HTR1E: variants seen among roughly 807,000 people sequenced by gnomAD.
The protein encoded by HTR1E is 5-HT-1E.
HTR1E carries 3 observed loss-of-function variants against 3.4 expected under a neutral mutation model. That is an observed-to-expected ratio of 0.89 (90% CI 0.41 to 2.31). The LOEUF is 2.31. Among genes scored for constraint, HTR1E ranks in the 30% most tolerant of loss-of-function variants. The pLI is 0.05. For synonymous variants in HTR1E, 170 were observed against 182.8 expected, an observed-to-expected ratio of 0.93 and a Z score of 0.56; for missense variants, 392 against 467.0, an observed-to-expected ratio of 0.84 and a Z score of 1.48.
chr6:86,995,665 C>CAAAAAAAAAAAAAAAAAAAAAAAAA (rs60134206), intron 1 of HTR1E, among the ~76,000 whole-genome samples: 18 of 36,678 alleles, frequency 4.9e-4, no homozygotes, highest in African/African-American at 1.3e-3. Flanking sequence ...GACTCCATCT[C>CAAAAAAAAAAAAAAAAAAAAAAAAA]AAAAAAAAAA....
intron 1 of HTR1E, among the ~76,000 whole-genome samples, chr6:86,964,784 G>A (rs1220665779): frequency 1.3e-5 from 2 of 152,044 alleles, no homozygotes; most frequent in Non-Finnish European, 2.9e-5. Context: ...AATTCTTAAG[G>A]TTCCTTATAT....
chr6:86,946,282 A>G (rs1224163645), intron 1 of HTR1E, among the ~76,000 whole-genome samples: 1 of 152,134 alleles, frequency 6.6e-6, no homozygotes, highest in Non-Finnish European at 1.5e-5. Flanking sequence ...CAAGTATCCC[A>G]TTTTTTATCT....
At chr6:86,970,156 T>C (rs766364679) in intron 1 of HTR1E, among the ~76,000 whole-genome samples, 10 of 152,226 alleles carry the variant, frequency 6.6e-5, no homozygotes, top group Non-Finnish European at 1.3e-4. Context: ...AGAAACTGTG[T>C]CTTAATGCTA....
chr6:86,946,277 A>G (rs1768615823), intron 1 of HTR1E, among the ~76,000 whole-genome samples: 1 of 152,164 alleles, frequency 6.6e-6, no homozygotes, highest in Non-Finnish European at 1.5e-5. Flanking sequence ...CTACACAAGT[A>G]TCCCATTTTT....
At chr6:87,009,709 TC>T (rs1768173328) in intron 1 of HTR1E, among the ~76,000 whole-genome samples, 1 of 132,132 alleles carries the variant, frequency 7.6e-6, no homozygotes. Flanking sequence ...CCAACCTCCC[TC>T]CCGGACAGGG....
chr6:87,009,091 C>T (rs1459169676), intron 1 of HTR1E, among the ~76,000 whole-genome samples: 3 of 144,464 alleles, frequency 2.1e-5, no homozygotes, highest in African/African-American at 7.8e-5. Flanking sequence ...ATTGATAATT[C>T]TTGGGTGTTT....
chr6:86,953,556 G>A (rs1450737406), intron 1 of HTR1E, among the ~76,000 whole-genome samples: 1 of 152,128 alleles, frequency 6.6e-6, no homozygotes, highest in Non-Finnish European at 1.5e-5. Flanking sequence ...GCTACACTAG[G>A]CATCTTCACA....
In HTR1E at chr6:87,015,608, T is replaced by C; in HGVS notation, c.274T>C (p.Tyr92His). 6.2e-7 allele frequency: 1 copy of C among 1,614,134 alleles called. No individual in the cohort carries two copies. The highest frequency in any genetic ancestry group is 1.1e-5 in the South Asian group (1 of 91,072). The change falls in exon 2 of 2, where the codon TAC becomes CAC. Residue 92 changes from tyrosine (Y) to histidine (H), a missense_variant. By Grantham distance (83) the Tyr-to-His change is moderately conservative. Around this residue, in one of 3 missense-constraint regions of HTR1E, gnomAD observed 189 missense variants for 258.0 expected, o/e 0.73. Coordinates refer to ENST00000305344, the MANE Select transcript of HTR1E (RefSeq NM_000865.3). ...YIVMDRWKLG[Y>H]FLCEVWLSVD... is the part of the protein sequence containing the mutation. ...TGTCATGGATCGCTGGAAGCTTGGG[T>C]ACTTCCTCTGTGAGGTGTGGCTGAG...
At chr6:87,003,299 A>C (rs1317518569) in intron 1 of HTR1E, among the ~76,000 whole-genome samples, 2 of 152,204 alleles carry the variant, frequency 1.3e-5, no homozygotes, top group Non-Finnish European at 2.9e-5. Context: ...GCACTTTGGG[A>C]GGCCAAGGCT....
At chr6:86,957,976 A>C (rs1449948503) in intron 1 of HTR1E, among the ~76,000 whole-genome samples, 1 of 151,920 alleles carries the variant, frequency 6.6e-6, no homozygotes, top group Non-Finnish European at 1.5e-5. Flanking sequence ...AACTCAGGCT[A>C]TATCCCCACA....
intron 1 of HTR1E, among the ~76,000 whole-genome samples, chr6:86,959,041 A>G (rs1582260857): frequency 6.6e-6 from 1 of 151,890 alleles, no homozygotes; most frequent in East Asian, 1.9e-4. Context: ...GAGCCTGGCA[A>G]GTTCAAAATC....
intron 1 of HTR1E, among the ~76,000 whole-genome samples, chr6:86,972,146 A>G (rs1018441742): frequency 1.3e-5 from 2 of 152,214 alleles, no homozygotes; most frequent in African/African-American, 4.8e-5. Flanking sequence ...GTAAAATTTT[A>G]TATCACTTGA....
In HTR1E at chr6:86,986,364, C is replaced by T. The variant is rs1385857941; in HGVS notation, c.-185-28786C>T. 2.0e-5 allele frequency among the ~76,000 whole-genome samples: 3 copies of T among 152,146 alleles called. No individual in the cohort carries two copies. The East Asian group carries it at 5.8e-4, about 29-fold the overall frequency. On this transcript the variant is annotated intron_variant, in intron 1 of 1. Transcript: ENST00000305344. ...TTTTGTAAGAGCTTGAATTCATACT[C>T]ATGGTGTTTGAAAGAATTTGTTTTT...
intron 1 of HTR1E, among the ~76,000 whole-genome samples, chr6:86,979,193 TCTTGATTATTTCCTGAAAATCAC>T (rs904844347): frequency 6.6e-6 from 1 of 152,228 alleles, no homozygotes; most frequent in African/African-American, 2.4e-5. Context: ...TTTAGATTCA[TCTTGATTATTTCCTGAAAATCAC>T]CACTAAATTT....
chr6:86,989,433 A>G (rs1157777274), intron 1 of HTR1E, among the ~76,000 whole-genome samples: 5 of 152,230 alleles, frequency 3.3e-5, no homozygotes, highest in East Asian at 3.8e-4. Context: ...CTTTGCAGAC[A>G]TAGGTGGTTG....
At chr6:86,940,162 C>T (rs1274344731) in intron 1 of HTR1E, among the ~76,000 whole-genome samples, 1 of 152,036 alleles carries the variant, frequency 6.6e-6, no homozygotes, top group Non-Finnish European at 1.5e-5. Flanking sequence ...TTGTCCCCAC[C>T]TGGCTCAAGC....
intron 1 of HTR1E, among the ~76,000 whole-genome samples, chr6:86,993,803 T>G (rs1449658913): frequency 1.3e-5 from 2 of 151,798 alleles, no homozygotes; most frequent in East Asian, 3.9e-4. Context: ...CCAGGAAAAT[T>G]TAACTTAAAT....
At chr6:86,966,453 A>G (rs1291847129) in intron 1 of HTR1E, among the ~76,000 whole-genome samples, 1 of 152,180 alleles carries the variant, frequency 6.6e-6, no homozygotes, top group African/African-American at 2.4e-5. Flanking sequence ...ATGGAATCTC[A>G]TCTCTACCTC....
At chr6:86,963,259 TA>T (rs902406110) in intron 1 of HTR1E, among the ~76,000 whole-genome samples, 4 of 152,100 alleles carry the variant, frequency 2.6e-5, no homozygotes, top group African/African-American at 7.2e-5. Flanking sequence ...AATAAGGATA[TA>T]AAAAAAGAAA....
Sources: allele counts gnomAD v4.1 joint callset (sites outside exome capture counted in the v4.1 genomes callset), GRCh38; gene constraint gnomAD v4.1.1; regional missense constraint gnomAD v4.1.1; transcripts MANE v1.5; gene names NCBI Gene and HGNC (gene_info 2026-07-23, HGNC 2026-07-21).